Variants in CRIM1 observed in about 807,000 individuals in gnomAD.
CRIM1 encodes cysteine rich transmembrane BMP regulator 1, also known as cysteine-rich motor neuron 1 protein.
Under a neutral mutation model 116.4 loss-of-function variants are expected in CRIM1, and 32 were observed. The observed-to-expected ratio is 0.27, with a 90% CI of 0.21 to 0.37. The LOEUF (loss-of-function observed/expected upper bound fraction) is 0.37. Among genes scored for constraint, CRIM1 ranks in the 10% least tolerant of loss-of-function variants. The probability of loss-of-function intolerance (pLI) is 1.00; values close to 1 mark genes in which losing one functional copy is unlikely to be tolerated. For missense variants in CRIM1, 1,331 were observed against 1,354.8 expected, an observed-to-expected ratio of 0.98 and a Z score of 0.28; for synonymous variants, 590 against 509.2, an observed-to-expected ratio of 1.16 and a Z score of -2.13.
At chr2:36,393,711 C>G (rs1213023003) in intron 1 of CRIM1, among the ~76,000 whole-genome samples, 2 of 152,038 alleles carry the variant, frequency 1.3e-5, no homozygotes, top group African/African-American at 4.8e-5. Context: ...GAAGGATGAG[C>G]AGGAGATAGC....
At chr2:36,413,159 C>T (rs888072725) in intron 2 of CRIM1, among the ~76,000 whole-genome samples, 2 of 152,028 alleles carry the variant, frequency 1.3e-5, no homozygotes, top group Non-Finnish European at 2.9e-5. Context: ...TGTTTGAAAG[C>T]GATACCAGGA....
At chr2:36,443,842 C>G (rs118105697) in intron 4 of CRIM1, among the ~76,000 whole-genome samples, 13 of 152,294 alleles carry the variant, frequency 8.5e-5, no homozygotes, top group South Asian at 8.3e-4. Context: ...AGCCTTTGTT[C>G]TGTCAAACCT....
chr2:36,542,851 C>T (rs183373367), intron 14 of CRIM1, among the ~76,000 whole-genome samples: 4 of 152,264 alleles, frequency 2.6e-5, no homozygotes, highest in African/African-American at 9.6e-5. Flanking sequence ...ACACACCTCC[C>T]GGAATCACCT....
At chr2:36,405,420 A>G (rs958582103) in intron 2 of CRIM1, among the ~76,000 whole-genome samples, 1 of 152,212 alleles carries the variant, frequency 6.6e-6, no homozygotes, top group Admixed American at 6.5e-5. Flanking sequence ...GCTGTCCCAT[A>G]CGGAGCTGAA....
At chr2:36,396,831 A>G (rs372654070) in intron 2 of CRIM1, 44 bp downstream of exon 2, 88 of 1,503,220 alleles carry the variant, frequency 5.9e-5, no homozygotes, top group Non-Finnish European at 7.7e-5. Context: ...AAGCCTTAGC[A>G]TTATGTAACC....
At chr2:36,402,480 C>A (rs1291058377) in intron 2 of CRIM1, among the ~76,000 whole-genome samples, 1 of 151,640 alleles carries the variant, frequency 6.6e-6, no homozygotes, top group Non-Finnish European at 1.5e-5. Context: ...CCACCTGAGC[C>A]CTTGTAGAAG....
chr2:36,409,305 T>C (rs1473163993), intron 2 of CRIM1, among the ~76,000 whole-genome samples: 2 of 152,212 alleles, frequency 1.3e-5, no homozygotes, highest in African/African-American at 4.8e-5. Context: ...AACTATAATC[T>C]AGGAAAAATT....
Position 36,547,025 on chromosome 2 carries a change from C to G in CRIM1, c.2788C>G (p.His930Asp). The change falls in exon 16 of 17, where the codon CAC becomes GAC. Residue 930 changes from histidine (H) to aspartate (D), a missense_variant. This residue lies in a region of CRIM1 where 283 missense variants were observed against 242.8 expected (regional missense o/e 1.17). Coordinates refer to ENST00000280527, the MANE Select transcript of CRIM1 (RefSeq NM_016441.3). ...GGTAGATTACAGAGATAACAGGCTG[C>G]ACCCAAGTGAAGATTCTTCACTGGA... The part of the protein sequence containing the change: ...LQVDYRDNRL[H>D]PSEDSSLDSI... 1 of 1,612,514 alleles carries G rather than the reference C, an allele frequency of 6.2e-7. No homozygotes were observed. The highest frequency in any genetic ancestry group is 8.5e-7 in the Non-Finnish European group (1 of 1,178,896).
intron 1 of CRIM1, among the ~76,000 whole-genome samples, chr2:36,372,271 G>A (rs912006101): frequency 6.6e-5 from 10 of 152,138 alleles, no homozygotes; most frequent in Admixed American, 3.3e-4. Context: ...GCAAAATTCC[G>A]TTTGGATTTA....
chr2:36,544,361 G>A lies in CRIM1; in HGVS notation c.2624-15G>A. 3.0e-6 allele frequency: 4 copies of A among 1,337,834 alleles called. No homozygotes were observed. The highest frequency in any genetic ancestry group is 2.6e-5 in the South Asian group (1 of 37,818). 82.9% of individuals were successfully genotyped at this position (1,337,834 alleles called of 1,614,324 possible). On this transcript the variant is annotated splice_polypyrimidine_tract_variant and intron_variant, in intron 14 of 16. Coordinates refer to ENST00000280527, the MANE Select transcript of CRIM1 (RefSeq NM_016441.3). ...AGCTTCATCATCTCTTAGGAAAAAT[G>A]TTCCCTTCTTTTAGAAATGTATGTC...
chr2:36,363,729 C>T (rs1040580544), intron 1 of CRIM1, among the ~76,000 whole-genome samples: 1 of 152,104 alleles, frequency 6.6e-6, no homozygotes. Context: ...CTATAATCAG[C>T]AGTGTGCACT....
At chr2:36,418,978 C>A (rs1391372302) in intron 2 of CRIM1, among the ~76,000 whole-genome samples, 1 of 152,150 alleles carries the variant, frequency 6.6e-6, no homozygotes, top group Non-Finnish European at 1.5e-5. Context: ...CTCTTCTCCT[C>A]CCACTGCCTT....
At chr2:36,414,516 C>T (rs1673453154) in intron 2 of CRIM1, among the ~76,000 whole-genome samples, 2 of 152,202 alleles carry the variant, frequency 1.3e-5, no homozygotes, top group Admixed American at 1.3e-4. Context: ...CCCGAGCTTT[C>T]AGTCTTAAGT....
rs760969263 is a variant in CRIM1, at chr2:36,379,742, C to CTTTTT, written c.332-16854_332-16850dup. Among the ~76,000 whole-genome samples the CTTTTT allele has an allele frequency of 3.8e-3, 406 of 106,340 alleles. 5 individuals are homozygous for CTTTTT. The highest frequency in any genetic ancestry group is 0.023 in the Middle Eastern group (4 of 172). The allele number at this position is 106,340 out of a possible 152,430, so 69.8% of individuals were successfully genotyped here. ...AGGGATTCTATTTCTTTCTTTCTCTCTTTTTTTTTTTTTTTTTTTTTTAAA... is the reference window on the plus strand; with the variant it reads ...AGGGATTCTATTTCTTTCTTTCTCTCTTTTTTTTTTTTTTTTTTTTTTTTTTTAAA... On this transcript the variant is annotated intron_variant, in intron 1 of 16. Transcript: ENST00000280527.
At chr2:36,453,456 G>A (rs889422340) in intron 4 of CRIM1, among the ~76,000 whole-genome samples, 1 of 152,128 alleles carries the variant, frequency 6.6e-6, no homozygotes, top group Non-Finnish European at 1.5e-5. Context: ...GATTCTTTGA[G>A]GGCAAGGACC....
chr2:36,499,407 A>G (rs1162917183), intron 8 of CRIM1, 60 bp downstream of exon 8: 2 of 1,521,556 alleles, frequency 1.3e-6, no homozygotes. Flanking sequence ...GTCAAAGCAT[A>G]TTATGTAATT....
chr2:36,522,208 T>C lies in CRIM1; in HGVS notation c.2323T>C (p.Cys775Arg), dbSNP rs1293492653. ...CTGGAAGCCTGACGTTTGTACCAGC[T>C]GCATCTGCATTGATAGCGTAATTAG... ...ESWKPDVCTSCICIDSVISCF... is the reference protein window; with the variant it reads ...ESWKPDVCTSRICIDSVISCF... Residue 775 changes from cysteine to arginine, a missense_variant, in exon 13 of 17, where the codon TGC (cysteine) becomes CGC (arginine). Transcript: ENST00000280527. 1 of 1,614,196 alleles carries C rather than the reference T, an allele frequency of 6.2e-7. No individual in the cohort carries two copies. The highest frequency in any genetic ancestry group is 1.7e-5 in the Admixed American group (1 of 60,030).
At chr2:36,393,343 T>A (rs1040440836) in intron 1 of CRIM1, among the ~76,000 whole-genome samples, 2 of 152,184 alleles carry the variant, frequency 1.3e-5, no homozygotes, top group African/African-American at 4.8e-5. Flanking sequence ...TTATATTATC[T>A]TGAAACATAG....
chr2:36,543,372 A>ACAAT (rs1178315586), intron 14 of CRIM1, among the ~76,000 whole-genome samples: 1 of 152,194 alleles, frequency 6.6e-6, no homozygotes, highest in African/African-American at 2.4e-5. Flanking sequence ...GAGACAGAAA[A>ACAAT]CAATCACTCT....
Sources: gnomAD v4.1 joint callset for allele counts (sites outside exome capture counted in the v4.1 genomes callset) on GRCh38, gnomAD v4.1.1 for gene constraint, gnomAD v4.1.1 regional missense constraint, MANE v1.5 for transcripts, NCBI Gene and HGNC (gene_info 2026-07-23, HGNC 2026-07-21) for gene names.